GSG1L: variants seen among roughly 807,000 people sequenced by gnomAD.
GSG1L encodes the protein GSG1 like.
GSG1L carries 24 observed loss-of-function variants against 42.1 expected under a neutral mutation model. That is an observed-to-expected ratio of 0.57 (90% confidence interval 0.41 to 0.80). GSG1L has a LOEUF of 0.80. GSG1L is among the 30% of genes least tolerant of loss of function. The pLI, the probability that GSG1L is intolerant of heterozygous loss-of-function variation, is 0.00. For synonymous variants in GSG1L, 215 were observed against 203.5 expected, an observed-to-expected ratio of 1.06 and a Z score of -0.48; for missense variants, 445 against 472.2, an observed-to-expected ratio of 0.94 and a Z score of 0.53.
intron 5 of GSG1L, among the ~76,000 whole-genome samples, chr16:27,821,727 C>T (rs141249980): frequency 4.6e-5 from 7 of 151,710 alleles, no homozygotes; most frequent in Non-Finnish European, 8.8e-5. Flanking sequence ...GGTGAAACCC[C>T]GTCTCTACTA....
At chr16:27,879,860 TG>T (rs1462870177) in intron 3 of GSG1L, among the ~76,000 whole-genome samples, 1 of 151,736 alleles carries the variant, frequency 6.6e-6, no homozygotes, top group Non-Finnish European at 1.5e-5. Context: ...ATTTTTTAAT[TG>T]CTTTTTTTTT....
intron 1 of GSG1L, among the ~76,000 whole-genome samples, chr16:27,963,856 G>A (rs1387853861): frequency 6.6e-6 from 1 of 152,124 alleles, no homozygotes. Flanking sequence ...ACCATCCTGA[G>A]TCTGCCTTTG....
chr16:27,834,405 C>T (rs542094774), intron 4 of GSG1L, among the ~76,000 whole-genome samples: 2 of 151,534 alleles, frequency 1.3e-5, no homozygotes, highest in African/African-American at 4.8e-5. Context: ...CGGTTCTTTG[C>T]ACTATCTTTG....
chr16:27,977,657 T>A (rs989992351), intron 1 of GSG1L, among the ~76,000 whole-genome samples: 7 of 151,868 alleles, frequency 4.6e-5, no homozygotes, highest in African/African-American at 1.7e-4. Context: ...TTTAAACATT[T>A]TATTTATTAT....
At chr16:27,798,313 G>A (rs942780616) in intron 6 of GSG1L, among the ~76,000 whole-genome samples, 1 of 152,154 alleles carries the variant, frequency 6.6e-6, no homozygotes, top group Non-Finnish European at 1.5e-5. Flanking sequence ...GGGGCTGGGG[G>A]CAGTTCCCAG....
intron 1 of GSG1L, among the ~76,000 whole-genome samples, chr16:27,972,448 A>G (rs2085203225): frequency 6.6e-6 from 1 of 152,274 alleles, no homozygotes; most frequent in Admixed American, 6.5e-5. Flanking sequence ...AAATGGCACC[A>G]TATTGGCTTG....
chr16:27,797,803 C>T (rs1180471942), intron 6 of GSG1L, among the ~76,000 whole-genome samples: 1 of 113,556 alleles, frequency 8.8e-6, no homozygotes, highest in African/African-American at 3.6e-5. Flanking sequence ...GCCTGGGTGA[C>T]AGAGAGAGAC....
At chr16:28,019,653 T>C (rs1012366443) in intron 1 of GSG1L, among the ~76,000 whole-genome samples, 15 of 152,236 alleles carry the variant, frequency 9.9e-5, no homozygotes, top group Non-Finnish European at 2.2e-4. Context: ...TCAGGACACC[T>C]TTCTGGTAGC....
At chr16:27,842,322 C>T (rs562323230) in intron 4 of GSG1L, among the ~76,000 whole-genome samples, 1 of 152,264 alleles carries the variant, frequency 6.6e-6, no homozygotes, top group South Asian at 2.1e-4. Flanking sequence ...CATTATTACC[C>T]ATCTTCTCAG....
chr16:27,941,697 C>T lies in GSG1L; in HGVS notation c.397+21459G>A, dbSNP rs141680574. On this transcript the variant is annotated intron_variant, in intron 2 of 6. Coordinates refer to ENST00000447459, the MANE Select transcript of GSG1L (RefSeq NM_001109763.2). ...CTTCACAACACACAACAGCCAACAG[C>T]CAAGGGACCCACCTGTCCCTCAACA... is the stretch of plus-strand genomic sequence containing the variant. Among the ~76,000 whole-genome samples the T allele has an allele frequency of 3.3e-3, 499 of 151,738 alleles. 4 individuals are homozygous for T. The highest frequency in any genetic ancestry group is 0.011 in the African/African-American group (474 of 41,388).
intron 3 of GSG1L, among the ~76,000 whole-genome samples, chr16:27,846,790 T>C (rs1021707684): frequency 3.3e-5 from 5 of 151,630 alleles, no homozygotes; most frequent in Non-Finnish European, 2.9e-5. Context: ...CTGTCTCTAC[T>C]AAAAAAATAC....
intron 2 of GSG1L, among the ~76,000 whole-genome samples, chr16:27,909,356 T>TC (rs2084354795): frequency 6.6e-6 from 1 of 151,420 alleles, no homozygotes; most frequent in Non-Finnish European, 1.5e-5. Flanking sequence ...TTTCTTTCTT[T>TC]TTTCTTTCTT....
chr16:27,835,729 A>T (rs1313793289), intron 4 of GSG1L, among the ~76,000 whole-genome samples: 2 of 152,108 alleles, frequency 1.3e-5, no homozygotes, highest in African/African-American at 4.8e-5. Context: ...AACTAATCAC[A>T]GTCTACTGGT....
intron 5 of GSG1L, among the ~76,000 whole-genome samples, chr16:27,807,982 C>T (rs551813628): frequency 1.9e-4 from 29 of 152,340 alleles, no homozygotes; most frequent in African/African-American, 6.5e-4. Context: ...CGGTGATTAT[C>T]CCTACATAAT....
At chr16:27,973,559 A>T (rs2085217699) in intron 1 of GSG1L, among the ~76,000 whole-genome samples, 1 of 151,238 alleles carries the variant, frequency 6.6e-6, no homozygotes, top group South Asian at 2.1e-4. Flanking sequence ...CTGCAGCCTA[A>T]TTGGGGGAAA....
At chr16:27,964,751 G>A (rs1288612594) in intron 1 of GSG1L, among the ~76,000 whole-genome samples, 1 of 152,152 alleles carries the variant, frequency 6.6e-6, no homozygotes, top group East Asian at 1.9e-4. Flanking sequence ...ATAGAGAGTA[G>A]AAGGATGGTT....
chr16:27,795,697 G>T (rs1431503250), intron 6 of GSG1L, among the ~76,000 whole-genome samples: 1 of 152,194 alleles, frequency 6.6e-6, no homozygotes, highest in Non-Finnish European at 1.5e-5. Context: ...CAGGTACTGT[G>T]GTTTCCATTT....
At position 27,963,213 on chromosome 16, in the gene GSG1L, G is replaced by C. The variant is rs1217295554; in HGVS notation, c.350-10C>G. 1.2e-6 allele frequency: 2 copies of C among 1,613,594 alleles called. No homozygotes were observed. Among genetic ancestry groups the C allele is most frequent in the East Asian group, 4.5e-5 (2 of 44,880 alleles). On this transcript the variant is annotated splice_polypyrimidine_tract_variant and intron_variant, in intron 1 of 6. Transcript: ENST00000447459. ...CTGCGACATTTTTCACCTTTGAAAA[G>C]AAGAGAAGCGTTTTCAGAATGTGAG...
chr16:27,858,764 G>C (rs994044325), intron 3 of GSG1L, among the ~76,000 whole-genome samples: 1 of 152,116 alleles, frequency 6.6e-6, no homozygotes, highest in Non-Finnish European at 1.5e-5. Context: ...ACCCAGCCTG[G>C]GCAACATAGT....
Sources: allele counts gnomAD v4.1 joint callset (sites outside exome capture counted in the v4.1 genomes callset), GRCh38; gene constraint gnomAD v4.1.1; transcripts MANE v1.5; gene names NCBI Gene and HGNC (gene_info 2026-07-23, HGNC 2026-07-21).